CRYBA2: variants seen among roughly 807,000 people sequenced by gnomAD.
The protein encoded by CRYBA2 is beta-crystallin A2.
CRYBA2 carries 17 observed loss-of-function variants against 18.5 expected under a neutral mutation model. The observed-to-expected ratio is 0.92, with a 90% CI of 0.63 to 1.38. The LOEUF is 1.38. Among genes scored for constraint, CRYBA2 ranks in the 40% most tolerant of loss-of-function variants. CRYBA2 has a pLI of 0.00. For synonymous variants in CRYBA2, 101 were observed against 106.2 expected, an observed-to-expected ratio of 0.95 and a Z score of 0.30; for missense variants, 271 against 265.0, an observed-to-expected ratio of 1.02 and a Z score of -0.16.
rs867065280 is a variant in CRYBA2 at position 218,991,023 on chromosome 2, G to T, written c.304-29C>A. Reference sequence around the variant, plus strand: ...AGGCACAGCAAGATCAGGACAGAAAGATCAGGGCTTCCAAAGGGTTAACGG... The same window carrying T: ...AGGCACAGCAAGATCAGGACAGAAATATCAGGGCTTCCAAAGGGTTAACGG... On this transcript the variant is annotated intron_variant, in intron 2 of 3. Transcript: ENST00000295728. 4 of 1,610,160 alleles carry T rather than the reference G, an allele frequency of 2.5e-6. No homozygotes were observed. The African/African-American group carries it at 4.0e-5, about 16-fold the overall frequency.
chr2:218,990,491 A>G (rs1945483564), intron 3 of CRYBA2, 92 bp from the exon 4 acceptor site: 2 of 1,404,308 alleles, frequency 1.4e-6, no homozygotes, highest in Non-Finnish European at 1.9e-6. Flanking sequence ...TGTAGCTCCC[A>G]ACCCCCAGTT....
chr2:218,990,289 G>A lies in CRYBA2; in HGVS notation c.557C>T (p.Thr186Ile), dbSNP rs966525239. The change falls in exon 4 of 4, where the codon ACT becomes ATT. Residue 186 changes from threonine to isoleucine, a missense_variant. By Grantham distance (89) the Thr-to-Ile change is moderately conservative (BLOSUM62 -1). Transcript: ENST00000295728. Reference protein sequence around the residue: ...TYGELGTQAHTGQLQSIRRVQ... With the variant: ...TYGELGTQAHIGQLQSIRRVQ... The stretch of plus-strand genomic sequence containing the variant: ...TCTCCGGATGGACTGCAGCTGCCCA[G>A]TGTGGGCCTGTGTGCCGAGCTCACC... The A allele has an allele frequency of 2.5e-6, 4 of 1,614,186 alleles. No individual in the cohort carries two copies. The highest frequency in any genetic ancestry group is 3.3e-5 in the Admixed American group (2 of 60,020).
At chr2:218,992,483 G>C (rs1008268983) in intron 1 of CRYBA2, among the ~76,000 whole-genome samples, 1 of 152,214 alleles carries the variant, frequency 6.6e-6, no homozygotes, top group Non-Finnish European at 1.5e-5. Flanking sequence ...GGTTGGGAAA[G>C]AGTTTTCCTG....
chr2:218,992,254 A>ATACC lies in CRYBA2; in HGVS notation c.162-12_162-11insGGTA, dbSNP rs1945506748. ...TCAAAGGCCACCCAACTGGAAAAGGAGAAGAGCTGGGAGGTATCTGCCCCA... is the reference window on the plus strand; with the variant it reads ...TCAAAGGCCACCCAACTGGAAAAGGATACCGAAGAGCTGGGAGGTATCTGCCCCA... On this transcript the variant is annotated splice_polypyrimidine_tract_variant and intron_variant, in intron 1 of 3. Coordinates refer to ENST00000295728, the MANE Select transcript of CRYBA2 (RefSeq NM_057093.2). 6.2e-7 allele frequency: 1 copy of ATACC among 1,612,342 alleles called. No individual in the cohort carries two copies. Among genetic ancestry groups the ATACC allele is most frequent in the African/African-American group, 1.3e-5 (1 of 74,916 alleles).
At chr2:218,991,182 C>G in intron 2 of CRYBA2, 188 bp from the exon 3 acceptor site, 1 of 764,080 alleles carries the variant, frequency 1.3e-6, no homozygotes, top group Non-Finnish European at 2.0e-6. Flanking sequence ...CAGAGGTTCC[C>G]CCGAACCTGG....
intron 2 of CRYBA2, chr2:218,991,872 G>T: frequency 1.9e-6 from 1 of 535,924 alleles, no homozygotes; most frequent in Non-Finnish European, 3.3e-6. Flanking sequence ...CTCAGGACTG[G>T]GATGGCCTCA....
At chr2:218,991,180 C>CGGGGGAA in intron 2 of CRYBA2, 186 bp from the exon 3 acceptor site, 1 of 776,464 alleles carries the variant, frequency 1.3e-6, no homozygotes, top group Non-Finnish European at 1.9e-6. Flanking sequence ...CTCAGAGGTT[C>CGGGGGAA]CCCCGAACCT....
chr2:218,992,904 T>C, intron 1 of CRYBA2, 112 bp downstream of exon 1: 1 of 790,804 alleles, frequency 1.3e-6, no homozygotes, highest in Non-Finnish European at 2.0e-6. Flanking sequence ...GGGTTTCCCA[T>C]GTTGGCAGGT....
At position 218,990,378 on chromosome 2, in the gene CRYBA2, T is replaced by G; in HGVS notation, c.468A>C (p.Pro156=). 6.2e-7 allele frequency: 1 copy of G among 1,614,058 alleles called. No individual in the cohort carries two copies. The highest frequency in any genetic ancestry group is 1.1e-5 in the South Asian group (1 of 91,070). ...SSGAWVAYQY[P]GYRGYQYVLE... ...ACACATACTGGTAGCCTCGGTAGCC[T>G]GGGTACTGGTAGGCCACCCACCTAG... The change falls in exon 4 of 4, where the codon CCA becomes CCC. Residue 156 remains proline, a synonymous_variant. Coordinates refer to ENST00000295728, the MANE Select transcript of CRYBA2 (RefSeq NM_057093.2).
chr2:218,992,446 G>A (rs547944732), intron 1 of CRYBA2, among the ~76,000 whole-genome samples: 3 of 152,290 alleles, frequency 2.0e-5, no homozygotes, highest in East Asian at 3.9e-4. Flanking sequence ...GGTTTGAGGC[G>A]CCCAGGCTTC....
In CRYBA2 at chr2:218,991,005, G is replaced by A; in HGVS notation, c.304-11C>T. 6.2e-7 allele frequency: 1 copy of A among 1,613,672 alleles called. No individual in the cohort carries two copies. The highest frequency in any genetic ancestry group is 8.5e-7 in the Non-Finnish European group (1 of 1,179,680). Reference sequence around the variant, plus strand: ...GCTGTCATTGTGGTTCTGAGGCACAGCAAGATCAGGACAGAAAGATCAGGG... The same window carrying A: ...GCTGTCATTGTGGTTCTGAGGCACAACAAGATCAGGACAGAAAGATCAGGG... On this transcript the variant is annotated splice_polypyrimidine_tract_variant and intron_variant, in intron 2 of 3. Transcript: ENST00000295728.
intron 2 of CRYBA2, chr2:218,991,220 G>C (rs761819707): frequency 2.2e-5 from 12 of 538,884 alleles, no homozygotes; most frequent in African/African-American, 7.6e-5. Flanking sequence ...AGATAAGGAG[G>C]TGATTGGGGG....
In CRYBA2 at chr2:218,991,128, A is replaced by G. The variant is rs944278951; in HGVS notation, c.304-134T>C. On this transcript the variant is annotated intron_variant, in intron 2 of 3. Transcript: ENST00000295728. Reference sequence around the variant, plus strand: ...GTCTAGGACCCACAGGCACTCCCAGAGCTCACCCCATCAGCTCCCTGGCAG... The same window carrying G: ...GTCTAGGACCCACAGGCACTCCCAGGGCTCACCCCATCAGCTCCCTGGCAG... The G allele has an allele frequency of 9.6e-6, 13 of 1,350,530 alleles. No homozygotes were observed. In the African/African-American group the frequency reaches 1.9e-4, roughly 20 times the overall value. The allele number at this position is 1,350,530 out of a possible 1,614,324, so 83.7% of individuals were successfully genotyped here.
chr2:218,990,760 C>T (rs1313391870), intron 3 of CRYBA2, 92 bp downstream of exon 3: 24 of 1,490,536 alleles, frequency 1.6e-5, no homozygotes, highest in Admixed American at 5.5e-5. Context: ...TCTCTCTTAG[C>T]GCCCTCCCCA....
At chr2:218,992,266 A>G in intron 1 of CRYBA2, 23 bp from the exon 2 acceptor site, 2 of 1,610,376 alleles carry the variant, frequency 1.2e-6, no homozygotes, top group Non-Finnish European at 8.5e-7. Context: ...AAGAGCTGGG[A>G]GGTATCTGCC....
intron 1 of CRYBA2, among the ~76,000 whole-genome samples, chr2:218,992,723 A>G (rs577717914): frequency 9.2e-5 from 14 of 152,122 alleles, no homozygotes; most frequent in Admixed American, 2.0e-4. Flanking sequence ...CTAATTTTGC[A>G]CAGAGAAAAA....
Position 218,993,353 on chromosome 2 carries a change from C to T in CRYBA2, c.-177G>A, listed in dbSNP as rs1393549497. 5 of 614,844 alleles carry T rather than the reference C, an allele frequency of 8.1e-6. No individual in the cohort carries two copies. The highest frequency in any genetic ancestry group is 1.1e-5 in the Non-Finnish European group (4 of 359,928). The allele number at this position is 614,844 out of a possible 1,614,324, so 38.1% of individuals were successfully genotyped here. On this transcript the variant is annotated 5_prime_UTR_variant, in exon 1 of 4. Coordinates refer to ENST00000295728, the MANE Select transcript of CRYBA2 (RefSeq NM_057093.2). The surrounding 1 kb of genome is among the most constrained non-coding windows in gnomAD (Gnocchi z 7.7). ...TCTTCCCGCGCTCCCCTCCCTTCCC[C>T]ACCCCAGCAGAGGGCATTCACCGGG...
intron 3 of CRYBA2, 114 bp from the exon 4 acceptor site, chr2:218,990,513 GCTT>G: frequency 7.6e-7 from 1 of 1,313,646 alleles, no homozygotes; most frequent in Non-Finnish European, 1.0e-6. Context: ...CAAAATCATT[GCTT>G]CAACTTTCCC....
At chr2:218,992,007 C>T in intron 2 of CRYBA2, 95 bp downstream of exon 2, 1 of 1,064,194 alleles carries the variant, frequency 9.4e-7, no homozygotes. Flanking sequence ...TGTTTACACA[C>T]ACCCCATGCA....
Sources: gnomAD v4.1 joint callset for allele counts (sites outside exome capture counted in the v4.1 genomes callset) on GRCh38, gnomAD v4.1.1 for gene constraint, Gnocchi (gnomAD v3.1) non-coding constraint, MANE v1.5 for transcripts, NCBI Gene and HGNC (gene_info 2026-07-23, HGNC 2026-07-21) for gene names.